Variants in ST3GAL3 observed in about 807,000 individuals in gnomAD.
The protein encoded by ST3GAL3 is ST3 beta-galactoside alpha-2,3-sialyltransferase 3.
A neutral mutation model predicts 50.1 loss-of-function variants in ST3GAL3; 21 were observed. The ratio of observed to expected loss-of-function variants is 0.42; its 90% CI spans 0.30 to 0.60. ST3GAL3 has a LOEUF of 0.60. Ranked by LOEUF, ST3GAL3 falls within the 20% of genes least tolerant of loss-of-function variation. The pLI is 0.19. For missense variants in ST3GAL3, 353 were observed against 489.4 expected (o/e 0.72, Z 2.63); for synonymous variants, 183 against 190.0 (o/e 0.96, Z 0.30).
intron 3 of ST3GAL3, among the ~76,000 whole-genome samples, chr1:43,810,477 C>T (rs888737556): frequency 2.0e-5 from 3 of 152,108 alleles, no homozygotes; most frequent in Middle Eastern, 3.2e-3. Context: ...AAATGGGGTC[C>T]GTGGCTCATT....
intron 1 of ST3GAL3, among the ~76,000 whole-genome samples, chr1:43,719,759 C>T (rs1325468163): frequency 6.6e-6 from 1 of 151,446 alleles, no homozygotes; most frequent in Non-Finnish European, 1.5e-5. Flanking sequence ...ATGGCGAAAG[C>T]CCGTCTCTAC....
At chr1:43,783,172 G>A (rs981613594) in intron 2 of ST3GAL3, among the ~76,000 whole-genome samples, 4 of 152,290 alleles carry the variant, frequency 2.6e-5, no homozygotes, top group South Asian at 2.1e-4. Context: ...AGTGGAGCCC[G>A]GATTAGCACC....
chr1:43,720,033 A>C (rs1362893073), intron 1 of ST3GAL3, among the ~76,000 whole-genome samples: 2 of 150,278 alleles, frequency 1.3e-5, no homozygotes, highest in African/African-American at 4.9e-5. Context: ...ACTTGAGCCC[A>C]GGAGTTAGAG....
chr1:43,820,925 G>A (rs2062012973), intron 4 of ST3GAL3, among the ~76,000 whole-genome samples: 2 of 152,194 alleles, frequency 1.3e-5, no homozygotes, highest in African/African-American at 4.8e-5. Context: ...GTAATACCAA[G>A]GATGAGAGTT....
At chr1:43,843,308 T>C (rs907442336) in intron 5 of ST3GAL3, among the ~76,000 whole-genome samples, 10 of 152,232 alleles carry the variant, frequency 6.6e-5, no homozygotes, top group African/African-American at 2.4e-4. Context: ...TTTTGTCAAA[T>C]GCTTTTTCTG....
chr1:43,898,110 A>T lies in ST3GAL3; in HGVS notation c.398-125A>T. On this transcript the variant is annotated intron_variant, in intron 6 of 11. Coordinates refer to ENST00000347631, the MANE Select transcript of ST3GAL3 (RefSeq NM_006279.5). Reference sequence around the variant, plus strand: ...TGGCCCAATACATCCTTGTGTCCAGAGCTCTCTCCACTTCCACTTTCACTC... The same window carrying T: ...TGGCCCAATACATCCTTGTGTCCAGTGCTCTCTCCACTTCCACTTTCACTC... The T allele has an allele frequency of 3.0e-6, 3 of 990,740 alleles. No homozygotes were observed. In the South Asian group the frequency reaches 4.1e-5, roughly 13 times the overall value. 61.4% of individuals were successfully genotyped at this position (990,740 alleles called of 1,614,324 possible).
At chr1:43,830,736 A>G (rs1177013785) in intron 4 of ST3GAL3, among the ~76,000 whole-genome samples, 4 of 152,220 alleles carry the variant, frequency 2.6e-5, no homozygotes, top group Admixed American at 1.3e-4. Flanking sequence ...GTTCCTGCAC[A>G]TAGATGATGG....
At chr1:43,780,796 A>G (rs765219470) in intron 2 of ST3GAL3, among the ~76,000 whole-genome samples, 4 of 151,922 alleles carry the variant, frequency 2.6e-5, no homozygotes, top group Non-Finnish European at 5.9e-5. Context: ...CTCTCTGAGG[A>G]GTTTAATGAT....
At chr1:43,765,773 G>C (rs1285425684) in intron 2 of ST3GAL3, among the ~76,000 whole-genome samples, 1 of 144,606 alleles carries the variant, frequency 6.9e-6, no homozygotes, top group Non-Finnish European at 1.5e-5. Flanking sequence ...GTGTGTGTGT[G>C]TGTGTGTGTG....
Position 43,737,642 on chromosome 1 carries a change from G to GT in ST3GAL3, c.118+1263dup, listed in dbSNP as rs749661988. On this transcript the variant is annotated intron_variant, in intron 2 of 11. Coordinates refer to ENST00000347631, the MANE Select transcript of ST3GAL3 (RefSeq NM_006279.5). This position sits in a 1 kb window ranked among gnomAD's most constrained non-coding sequence, Gnocchi z 4.0. ...AGACTACCCAGGATAAGGAGTGTTTGTATCAGTGAAATGCAGAATTCTGTA... is the reference window on the plus strand; with the variant it reads ...AGACTACCCAGGATAAGGAGTGTTTGTTATCAGTGAAATGCAGAATTCTGTA... 6.6e-6 allele frequency: 1 copy of GT among 152,200 alleles called. No homozygotes were observed. The highest frequency in any genetic ancestry group is 1.5e-5 in the Non-Finnish European group (1 of 68,032). 9.4% of individuals were successfully genotyped at this position (152,200 alleles called of 1,614,324 possible).
chr1:43,730,220 T>A (rs190388163), intron 1 of ST3GAL3, among the ~76,000 whole-genome samples: 2 of 152,356 alleles, frequency 1.3e-5, no homozygotes, highest in African/African-American at 4.8e-5. Flanking sequence ...TTCAGCCTTC[T>A]CACTGCCATA....
intron 5 of ST3GAL3, among the ~76,000 whole-genome samples, chr1:43,849,471 G>A (rs957745739): frequency 4.6e-4 from 70 of 152,248 alleles, no homozygotes; most frequent in African/African-American, 1.6e-3. Flanking sequence ...TATAAAAATT[G>A]TATTTTTAAA....
At chr1:43,715,331 T>C (rs942122618) in intron 1 of ST3GAL3, among the ~76,000 whole-genome samples, 1 of 152,276 alleles carries the variant, frequency 6.6e-6, no homozygotes, top group African/African-American at 2.4e-5. Flanking sequence ...CCCAGCACTT[T>C]GGGAGGCTGA....
intron 9 of ST3GAL3, among the ~76,000 whole-genome samples, chr1:43,902,574 CA>C (rs1377081568): frequency 6.6e-6 from 1 of 152,168 alleles, no homozygotes; most frequent in African/African-American, 2.4e-5. Context: ...AAACAGGTTA[CA>C]AAAAGGCTTT....
At chr1:43,746,530 T>G (rs1470937664) in intron 2 of ST3GAL3, among the ~76,000 whole-genome samples, 1 of 150,700 alleles carries the variant, frequency 6.6e-6, no homozygotes, top group Non-Finnish European at 1.5e-5. Flanking sequence ...TGGTGCAATC[T>G]CGGCTCACTG....
intron 2 of ST3GAL3, among the ~76,000 whole-genome samples, chr1:43,770,322 A>G (rs1378744131): frequency 2.0e-5 from 3 of 151,728 alleles, no homozygotes; most frequent in Non-Finnish European, 2.9e-5. Context: ...AGACCAGTGG[A>G]CGGGCCTCAA....
At chr1:43,742,669 T>C (rs1048582666) in intron 2 of ST3GAL3, among the ~76,000 whole-genome samples, 1 of 152,174 alleles carries the variant, frequency 6.6e-6, no homozygotes, top group African/African-American at 2.4e-5. Flanking sequence ...GTAACTATTA[T>C]GAATATATTT....
At chr1:43,747,227 G>C (rs1279973921) in intron 2 of ST3GAL3, among the ~76,000 whole-genome samples, 1 of 152,102 alleles carries the variant, frequency 6.6e-6, no homozygotes, top group African/African-American at 2.4e-5. Context: ...GGCCAGCATG[G>C]TGAAACCCCA....
At position 43,924,367 on chromosome 1, in the gene ST3GAL3, C is replaced by T. The variant is rs143082247; in HGVS notation, c.1038+3439C>T. Reference sequence around the variant, plus strand: ...GCTTTTATCAGCCTCCTGGCTTCTACGTTTACTTATATCTTTGGTCTTTTA... The same window carrying T: ...GCTTTTATCAGCCTCCTGGCTTCTATGTTTACTTATATCTTTGGTCTTTTA... On this transcript the variant is annotated intron_variant, in intron 11 of 11. Transcript: ENST00000347631. Among the ~76,000 whole-genome samples, 558 of 152,334 alleles carry T rather than the reference C, an allele frequency of 3.7e-3. 5 individuals are homozygous for T. The highest frequency in any genetic ancestry group is 0.013 in the African/African-American group (539 of 41,570).
Sources: allele counts gnomAD v4.1 joint callset (sites outside exome capture counted in the v4.1 genomes callset), GRCh38; gene constraint gnomAD v4.1.1; non-coding constraint Gnocchi (gnomAD v3.1); transcripts MANE v1.5; gene names NCBI Gene and HGNC (gene_info 2026-07-23, HGNC 2026-07-21).